The following BCAS3 variants were observed in gnomAD, a reference collection of about 807,000 sequenced individuals.
BCAS3 encodes the protein BCAS4/BCAS3 fusion.
Under a neutral mutation model 116.1 loss-of-function variants are expected in BCAS3, and 53 were observed. That is an observed-to-expected ratio of 0.46 (90% confidence interval 0.37 to 0.57). The LOEUF is 0.57. BCAS3 is among the 20% of genes least tolerant of loss of function. BCAS3 has a pLI of 0.00. For missense variants in BCAS3, 917 were observed against 1,165.4 expected (o/e 0.79, Z 3.10); for synonymous variants, 391 against 408.2 (o/e 0.96, Z 0.51).
At chr17:61,254,002 A>G (rs955279539) in intron 22 of BCAS3, among the ~76,000 whole-genome samples, 20 of 152,134 alleles carry the variant, frequency 1.3e-4, no homozygotes, top group Non-Finnish European at 2.9e-5. Flanking sequence ...TACTCATAAG[A>G]TCTAAAATTC....
chr17:60,727,436 C>A (rs2039998874), intron 5 of BCAS3: 3 of 1,590,466 alleles, frequency 1.9e-6, no homozygotes, highest in African/African-American at 1.4e-5. Context: ...CTGATGCTTG[C>A]CACACTTCTT....
At chr17:61,169,229 A>G (rs1242319483) in intron 22 of BCAS3, among the ~76,000 whole-genome samples, 1 of 152,220 alleles carries the variant, frequency 6.6e-6, no homozygotes. Flanking sequence ...TGCTACCCTT[A>G]AGCCCACTTT....
At position 61,347,242 on chromosome 17, in the gene BCAS3, C is replaced by T. The variant is rs1255115565; in HGVS notation, c.2426-21085C>T. On this transcript the variant is annotated intron_variant, in intron 22 of 23. Transcript: ENST00000407086. This position sits in a 1 kb window ranked among gnomAD's most constrained non-coding sequence, Gnocchi z 4.3. ...GATTACAGGCATGCACCACCACACC[C>T]GGCTGATTTTTATATTTTTAGTAGA... Among the ~76,000 whole-genome samples, 5 of 152,060 alleles carry T rather than the reference C, an allele frequency of 3.3e-5. No homozygotes were observed. Among genetic ancestry groups the T allele is most frequent in the Non-Finnish European group, 5.9e-5 (4 of 68,000 alleles).
Position 61,104,546 on chromosome 17 carries a change from A to G in BCAS3, c.2425+19982A>G, listed in dbSNP as rs1228153269. 6.6e-6 allele frequency among the ~76,000 whole-genome samples: 1 copy of G among 152,106 alleles called. No homozygotes were observed. Among genetic ancestry groups the G allele is most frequent in the African/African-American group, 2.4e-5 (1 of 41,412 alleles). On this transcript the variant is annotated intron_variant, in intron 22 of 23. Coordinates refer to ENST00000407086, the MANE Select transcript of BCAS3 (RefSeq NM_017679.5). The surrounding 1 kb of genome is among the most constrained non-coding windows in gnomAD (Gnocchi z 4.1). ...TATATGCCTTTCAGATCTGCACTTC[A>G]TCTCATACTTCATCATTTATTGGAT...
Position 61,349,658 on chromosome 17 carries a change from G to T in BCAS3, c.2426-18669G>T, listed in dbSNP as rs1302704225. Among the ~76,000 whole-genome samples the T allele has an allele frequency of 2.0e-5, 3 of 152,202 alleles. No individual in the cohort carries two copies. The highest frequency in any genetic ancestry group is 4.4e-5 in the Non-Finnish European group (3 of 68,034). On this transcript the variant is annotated intron_variant, in intron 22 of 23. Transcript: ENST00000407086. This position sits in a 1 kb window ranked among gnomAD's most constrained non-coding sequence, Gnocchi z 4.7. ...ATATGTTTCAAAGCTGACTATTAAA[G>T]AAGTGTGGAAGAGGTACCATATGTA...
At chr17:61,059,692 G>A (rs2069779822) in intron 19 of BCAS3, among the ~76,000 whole-genome samples, 1 of 152,152 alleles carries the variant, frequency 6.6e-6, no homozygotes, top group African/African-American at 2.4e-5. Flanking sequence ...AGCTGGACAA[G>A]TATGGCTCTA....
rs985931901 is a variant in BCAS3 at position 61,010,427 on chromosome 17, A to G, written c.1487-5324A>G. On this transcript the variant is annotated intron_variant, in intron 15 of 23. Transcript: ENST00000407086. ...TGTCCCCCAAAGTACACGTACCTGT[A>G]GATATCCTTTATCCAAAAGGTAACA... Among the ~76,000 whole-genome samples the G allele has an allele frequency of 2.6e-5, 4 of 151,992 alleles. No individual in the cohort carries two copies. The East Asian group carries it at 7.7e-4, about 29-fold the overall frequency.
At chr17:61,155,201 G>T (rs1568467638) in intron 22 of BCAS3, among the ~76,000 whole-genome samples, 1 of 152,096 alleles carries the variant, frequency 6.6e-6, no homozygotes, top group East Asian at 1.9e-4. Context: ...ATGGATTAAA[G>T]AAACTTTAGT....
chr17:60,953,633 C>T (rs185830632), intron 14 of BCAS3, among the ~76,000 whole-genome samples: 2 of 151,984 alleles, frequency 1.3e-5, no homozygotes, highest in Middle Eastern at 3.4e-3. Context: ...TGTCATGAAA[C>T]CTTTGCCAGT....
In BCAS3 at chr17:61,391,925, C is replaced by T; in HGVS notation, c.2594-52C>T. The T allele has an allele frequency of 6.3e-7, 1 of 1,584,518 alleles. No homozygotes were observed. Among genetic ancestry groups the T allele is most frequent in the Non-Finnish European group, 8.6e-7 (1 of 1,164,810 alleles). On this transcript the variant is annotated intron_variant, in intron 23 of 23. Coordinates refer to ENST00000407086, the MANE Select transcript of BCAS3 (RefSeq NM_017679.5). This position sits in a 1 kb window ranked among gnomAD's most constrained non-coding sequence, Gnocchi z 7.7. Reference sequence around the variant, plus strand: ...GGCAGCCTGGCCCAGATGGTGCCCCCACTCCCCAGACCCAACTCTAACCAG... The same window carrying T: ...GGCAGCCTGGCCCAGATGGTGCCCCTACTCCCCAGACCCAACTCTAACCAG...
At chr17:61,074,534 T>G (rs1196953478) in intron 19 of BCAS3, among the ~76,000 whole-genome samples, 3 of 152,198 alleles carry the variant, frequency 2.0e-5, no homozygotes, top group Non-Finnish European at 2.9e-5. Flanking sequence ...ACTGAAAGCA[T>G]TTTTTCTATT....
intron 14 of BCAS3, among the ~76,000 whole-genome samples, chr17:60,968,171 C>T (rs1392076186): frequency 6.6e-6 from 1 of 151,902 alleles, no homozygotes; most frequent in African/African-American, 2.4e-5. Flanking sequence ...TCAGTTTTAT[C>T]TGTCTACCTT....
intron 15 of BCAS3, among the ~76,000 whole-genome samples, chr17:60,997,493 G>A (rs1341083235): frequency 6.6e-6 from 1 of 152,098 alleles, no homozygotes; most frequent in Non-Finnish European, 1.5e-5. Context: ...AGTGAGGATG[G>A]GTGCAGGTAT....
intron 8 of BCAS3, among the ~76,000 whole-genome samples, chr17:60,872,409 C>A (rs528439601): frequency 6.7e-6 from 1 of 148,834 alleles, no homozygotes; most frequent in African/African-American, 2.5e-5. Context: ...CACACATACC[C>A]CATATATATC....
chr17:61,119,045 AGCAAG>A (rs2075646818), intron 22 of BCAS3, among the ~76,000 whole-genome samples: 2 of 152,192 alleles, frequency 1.3e-5, no homozygotes, highest in South Asian at 4.1e-4. Context: ...CTTCACACTA[AGCAAG>A]GCTGACAGTT....
intron 7 of BCAS3, among the ~76,000 whole-genome samples, chr17:60,863,099 A>G (rs897553763): frequency 2.6e-5 from 4 of 151,912 alleles, no homozygotes; most frequent in African/African-American, 7.3e-5. Context: ...TTGTTTTTGG[A>G]GCAATTTAAT....
chr17:61,358,014 G>C (rs1219765974), intron 22 of BCAS3, among the ~76,000 whole-genome samples: 1 of 151,788 alleles, frequency 6.6e-6, no homozygotes, highest in Non-Finnish European at 1.5e-5. Flanking sequence ...CTTGAGCCCG[G>C]GGGGCAGAGG....
chr17:60,752,066 A>G (rs1223700575), intron 6 of BCAS3, among the ~76,000 whole-genome samples: 1 of 151,760 alleles, frequency 6.6e-6, no homozygotes, highest in East Asian at 1.9e-4. Flanking sequence ...TTTCCCCTTA[A>G]CTATTCACAC....
In BCAS3 at chr17:61,037,856, A is replaced by G. The variant is rs748857030; in HGVS notation, c.1763-33A>G. ...TATTCTGTGCTCCATTTATGCCATCATAACACATCGGGTTCTGTTTCTCTG... is the reference window on the plus strand; with the variant it reads ...TATTCTGTGCTCCATTTATGCCATCGTAACACATCGGGTTCTGTTTCTCTG... On this transcript the variant is annotated intron_variant, in intron 17 of 23. Coordinates refer to ENST00000407086, the MANE Select transcript of BCAS3 (RefSeq NM_017679.5). This position sits in a 1 kb window ranked among gnomAD's most constrained non-coding sequence, Gnocchi z 4.7. 1.3e-6 allele frequency: 2 copies of G among 1,598,728 alleles called. No homozygotes were observed. The highest frequency in any genetic ancestry group is 3.4e-5 in the Admixed American group (2 of 59,564).
Sources: gnomAD v4.1 joint callset for allele counts (sites outside exome capture counted in the v4.1 genomes callset) on GRCh38, gnomAD v4.1.1 for gene constraint, Gnocchi (gnomAD v3.1) non-coding constraint, MANE v1.5 for transcripts, NCBI Gene and HGNC (gene_info 2026-07-23, HGNC 2026-07-21) for gene names.